The following ANKRD26 variants were observed in gnomAD, a reference collection of about 807,000 sequenced individuals.
ANKRD26 encodes the protein ankyrin repeat domain-containing protein 26.
Under a neutral mutation model 208.7 loss-of-function variants are expected in ANKRD26, and 141 were observed. That is an observed-to-expected ratio of 0.68 (90% confidence interval 0.59 to 0.78). ANKRD26 has a LOEUF of 0.78. ANKRD26 is among the 30% of genes least tolerant of loss of function. The pLI is 0.00. For missense variants in ANKRD26, 1,889 were observed against 1,938.7 expected (o/e 0.97, Z 0.48); for synonymous variants, 636 against 660.4 (o/e 0.96, Z 0.57).
intron 15 of ANKRD26, among the ~76,000 whole-genome samples, chr10:27,056,161 C>CG (rs1237501379): frequency 2.0e-5 from 3 of 152,076 alleles, no homozygotes; most frequent in Non-Finnish European, 2.9e-5. Context: ...AAAGTACTTT[C>CG]GCTAAAAATG....
rs1271652199 is a variant in ANKRD26, at chr10:27,037,254, C to T, written c.2629G>A (p.Gly877Arg). 6.2e-7 allele frequency: 1 copy of T among 1,613,746 alleles called. No homozygotes were observed. The highest frequency in any genetic ancestry group is 1.1e-5 in the South Asian group (1 of 91,064). The change falls in exon 23 of 34, where the codon GGA (glycine) becomes AGA (arginine). Residue 877 changes from glycine to arginine, a missense_variant. Physicochemically the swap from Gly to Arg is moderately radical, Grantham distance 125 (BLOSUM62 -2). Coordinates refer to ENST00000376087, the MANE Select transcript of ANKRD26 (RefSeq NM_014915.3). ...REQNARMLQDGILTNHLSKQK... is the reference protein window; with the variant it reads ...REQNARMLQDRILTNHLSKQK... ...TTGGAAAGGTGATTGGTCAGAATTC[C>T]ATCTTGTAACATTCTGGCATTCTGT...
At chr10:27,016,530 G>A (rs1212061546) in intron 30 of ANKRD26, among the ~76,000 whole-genome samples, 1 of 151,248 alleles carries the variant, frequency 6.6e-6, no homozygotes, top group African/African-American at 2.4e-5. Context: ...GTCCACCTCG[G>A]CTTCCCAAAG....
the ANKRD26 span, among the ~76,000 whole-genome samples, chr10:26,957,439 A>G: frequency 1.3e-5 from 2 of 152,190 alleles, no homozygotes; most frequent in Non-Finnish European, 2.9e-5. Flanking sequence ...GATTATAATT[A>G]TATCAAGATA....
intron 1 of ANKRD26, among the ~76,000 whole-genome samples, chr10:27,095,454 G>A (rs1337099144): frequency 6.6e-6 from 1 of 152,172 alleles, no homozygotes; most frequent in African/African-American, 2.4e-5. Context: ...GATCACTTGA[G>A]GTCAGGAATT....
chr10:27,062,188 C>T (rs975901137), intron 12 of ANKRD26: 4 of 982,124 alleles, frequency 4.1e-6, no homozygotes, highest in Middle Eastern at 5.2e-4. Context: ...ATTCTCAGCA[C>T]TTCTTTCCTC....
At chr10:27,003,634 C>T (rs1197586), downstream of ANKRD26, among the ~76,000 whole-genome samples, 3,884 of 152,180 alleles carry the variant, frequency 0.026, 62 homozygotes, top group Non-Finnish European at 0.039. Context: ...CAACATTGGC[C>T]AGTAATGGAA....
At chr10:26,990,218 T>C (rs1294920186), downstream of ANKRD26, among the ~76,000 whole-genome samples, 8 of 152,208 alleles carry the variant, frequency 5.3e-5, no homozygotes. Context: ...TGACTAAATA[T>C]GTGCATGGCA....
In ANKRD26 at chr10:27,043,003, A is replaced by C. The variant is rs12240377; in HGVS notation, c.2161+423T>G. 4.9e-3 allele frequency among the ~76,000 whole-genome samples: 741 copies of C among 151,464 alleles called. 5 individuals carry two copies. Among genetic ancestry groups the C allele is most frequent in the African/African-American group, 0.016 (677 of 41,426 alleles). ...TCTATAAAATTTCTAGAAAAAAAGCATAAGAGGAAATCTTTGTGACCCTGT... is the reference window on the plus strand; with the variant it reads ...TCTATAAAATTTCTAGAAAAAAAGCCTAAGAGGAAATCTTTGTGACCCTGT... On this transcript the variant is annotated intron_variant, in intron 20 of 33. Coordinates refer to ENST00000376087, the MANE Select transcript of ANKRD26 (RefSeq NM_014915.3).
At chr10:27,038,450 G>T (rs1214033933) in intron 21 of ANKRD26, among the ~76,000 whole-genome samples, 1 of 152,100 alleles carries the variant, frequency 6.6e-6, no homozygotes, top group Non-Finnish European at 1.5e-5. Context: ...AGGAGTTCGA[G>T]ACCAGCCTGG....
the ANKRD26 span, among the ~76,000 whole-genome samples, chr10:26,953,185 G>C: frequency 1.3e-5 from 2 of 152,148 alleles, no homozygotes; most frequent in African/African-American, 4.8e-5. Context: ...AGCAATTTGG[G>C]AGGCTGAGGT....
the ANKRD26 span, among the ~76,000 whole-genome samples, chr10:26,954,313 C>T: frequency 6.8e-4 from 104 of 152,220 alleles, no homozygotes; most frequent in African/African-American, 2.4e-3. Context: ...CTAATGCTAC[C>T]TTTCTCCAGT....
intron 18 of ANKRD26, among the ~76,000 whole-genome samples, chr10:27,044,543 T>A (rs1357268361): frequency 6.6e-6 from 1 of 151,826 alleles, no homozygotes; most frequent in Non-Finnish European, 1.5e-5. Context: ...GCTGTCGACC[T>A]TTTCAATAAA....
At chr10:27,029,226 T>G (rs969628710) in intron 26 of ANKRD26, 60 bp downstream of exon 26, 2 of 1,523,904 alleles carry the variant, frequency 1.3e-6, no homozygotes, top group Non-Finnish European at 1.8e-6. Flanking sequence ...ATTCTCATAC[T>G]ACACTGCTTA....
intron 1 of ANKRD26, among the ~76,000 whole-genome samples, chr10:27,094,624 A>G (rs2056407756): frequency 6.6e-6 from 1 of 152,252 alleles, no homozygotes; most frequent in African/African-American, 2.4e-5. Flanking sequence ...ATTGTTAGAT[A>G]TAATTACCAT....
intron 5 of ANKRD26, among the ~76,000 whole-genome samples, chr10:26,976,646 A>C (rs995035743): frequency 6.6e-6 from 1 of 151,526 alleles, no homozygotes; most frequent in African/African-American, 2.4e-5. Context: ...TGTTTGTAGC[A>C]CTTCATATTT....
intron 4 of ANKRD26, chr10:27,088,319 T>G (rs1052747569): frequency 2.7e-5 from 4 of 150,810 alleles, no homozygotes; most frequent in Non-Finnish European, 5.9e-5. Flanking sequence ...CCAGGGACTG[T>G]GCAAAATATG....
At chr10:26,958,980 T>TA in the ANKRD26 span, among the ~76,000 whole-genome samples, 2 of 152,190 alleles carry the variant, frequency 1.3e-5, no homozygotes, top group African/African-American at 4.8e-5. Context: ...GAGTGTTTAG[T>TA]AATAGGCATT....
downstream of ANKRD26, among the ~76,000 whole-genome samples, chr10:26,989,888 T>TG (rs2052455280): frequency 6.6e-6 from 1 of 151,332 alleles, no homozygotes; most frequent in Non-Finnish European, 1.5e-5. Context: ...CGGGGTAAAG[T>TG]GGGGGTGTAA....
the ANKRD26 span, among the ~76,000 whole-genome samples, chr10:26,949,301 A>G: frequency 6.6e-6 from 1 of 152,084 alleles, no homozygotes; most frequent in Non-Finnish European, 1.5e-5. Flanking sequence ...TTTGGAAAAT[A>G]CAGACATTGT....
Sources: gnomAD v4.1 joint callset for allele counts (sites outside exome capture counted in the v4.1 genomes callset) on GRCh38, gnomAD v4.1.1 for gene constraint, MANE v1.5 for transcripts, NCBI Gene and HGNC (gene_info 2026-07-23, HGNC 2026-07-21) for gene names.